Variants in ELMO1 observed in about 807,000 individuals in gnomAD.
ELMO1 encodes engulfment and cell motility protein 1.
ELMO1 carries 26 observed loss-of-function variants against 98.9 expected under a neutral mutation model. The ratio of observed to expected loss-of-function variants is 0.26; its 90% confidence interval spans 0.19 to 0.36. The LOEUF (loss-of-function observed/expected upper bound fraction) is 0.36, where lower values mean the gene tolerates loss of function less well. Ranked by LOEUF, ELMO1 falls within the 10% of genes least tolerant of loss-of-function variation. The pLI, the probability that ELMO1 is intolerant of heterozygous loss-of-function variation, is 1.00. For synonymous variants in ELMO1, 346 were observed against 346.0 expected, an observed-to-expected ratio of 1.00 and a Z score of 0.00; for missense variants, 627 against 935.2, an observed-to-expected ratio of 0.67 and a Z score of 4.30.
rs532970988 is a variant in ELMO1 at position 37,331,694 on chromosome 7, G to T, written c.78+10919C>A. On this transcript the variant is annotated intron_variant, in intron 2 of 21. Coordinates refer to ENST00000310758, the MANE Select transcript of ELMO1 (RefSeq NM_014800.11). ...CCTCCACACTGACCAGAAGGAAGAG[G>T]TCCAGAGAGGGTGGCAGCAGCAGAT... is the stretch of plus-strand genomic sequence containing the variant. 1.5e-4 allele frequency among the ~76,000 whole-genome samples: 23 copies of T among 152,196 alleles called. 1 individual carries two copies. In the South Asian group the frequency reaches 4.4e-3, roughly 29 times the overall value.
intron 1 of ELMO1, among the ~76,000 whole-genome samples, chr7:37,369,930 C>T (rs944833790): frequency 1.3e-5 from 2 of 152,084 alleles, no homozygotes; most frequent in African/African-American, 4.8e-5. Context: ...CCTTACTATT[C>T]GAAGCACCAG....
chr7:36,910,237 C>T (rs572641714), intron 16 of ELMO1, among the ~76,000 whole-genome samples: 25 of 152,340 alleles, frequency 1.6e-4, no homozygotes, highest in African/African-American at 3.1e-4. Context: ...CAAAATCATA[C>T]GCCATATAGT....
intron 14 of ELMO1, among the ~76,000 whole-genome samples, chr7:37,120,785 C>T (rs956784818): frequency 2.2e-4 from 34 of 152,178 alleles, no homozygotes; most frequent in Non-Finnish European, 4.0e-4. Context: ...TAGTGGTTCT[C>T]CCAGCATGCA....
At position 37,359,832 on chromosome 7, in the gene ELMO1, C is replaced by T. The variant is rs114562045; in HGVS notation, c.-73-17069G>A. Among the ~76,000 whole-genome samples the T allele has an allele frequency of 3.2e-3, 491 of 152,316 alleles. 4 individuals are homozygous for T. The highest frequency in any genetic ancestry group is 0.011 in the African/African-American group (468 of 41,568). On this transcript the variant is annotated intron_variant, in intron 1 of 21. Coordinates refer to ENST00000310758, the MANE Select transcript of ELMO1 (RefSeq NM_014800.11). ...TTATGCACTTTTCCATTATTGATCA[C>T]GGTCACACCTTTTCACTTTGTACTT...
At chr7:37,367,822 T>C (rs1801964408) in intron 1 of ELMO1, among the ~76,000 whole-genome samples, 1 of 152,118 alleles carries the variant, frequency 6.6e-6, no homozygotes. Context: ...TTATAGCATA[T>C]AAAGCAATCA....
chr7:36,935,345 G>T (rs935624209), intron 16 of ELMO1, among the ~76,000 whole-genome samples: 4 of 151,986 alleles, frequency 2.6e-5, no homozygotes, highest in Non-Finnish European at 1.5e-5. Flanking sequence ...TTTGTAAATT[G>T]CCCAGTCTTG....
At chr7:37,166,459 T>C (rs1368064746) in intron 13 of ELMO1, among the ~76,000 whole-genome samples, 1 of 152,154 alleles carries the variant, frequency 6.6e-6, no homozygotes, top group Non-Finnish European at 1.5e-5. Context: ...TTTCCTGCTT[T>C]CTCTTGTGGA....
intron 4 of ELMO1, 26 bp from the exon 5 acceptor site, chr7:37,271,908 A>T: frequency 6.2e-7 from 1 of 1,609,944 alleles, no homozygotes; most frequent in Non-Finnish European, 8.5e-7. Flanking sequence ...AAATCTTTGT[A>T]AATTTTCAAG....
intron 2 of ELMO1, among the ~76,000 whole-genome samples, chr7:37,321,852 A>ACC (rs1160876386): frequency 9.5e-6 from 1 of 104,916 alleles, no homozygotes; most frequent in Admixed American, 1.1e-4. Flanking sequence ...CTAAAAAGTA[A>ACC]CTCCCTTTTT....
intron 16 of ELMO1, 88 bp downstream of exon 16, chr7:37,013,211 A>ATT: frequency 6.6e-7 from 1 of 1,505,462 alleles, no homozygotes; most frequent in Non-Finnish European, 9.0e-7. Flanking sequence ...CACCTTGCCA[A>ATT]TTGCCTTCTG....
chr7:37,183,499 A>G (rs1166269707), intron 13 of ELMO1, among the ~76,000 whole-genome samples: 1 of 152,194 alleles, frequency 6.6e-6, no homozygotes, highest in Non-Finnish European at 1.5e-5. Flanking sequence ...TCCAACTTTT[A>G]TCAGGGGAAG....
At chr7:37,004,493 A>G (rs1792907801) in intron 16 of ELMO1, among the ~76,000 whole-genome samples, 1 of 152,230 alleles carries the variant, frequency 6.6e-6, no homozygotes, top group African/African-American at 2.4e-5. Context: ...GCAGAAGAAC[A>G]AATCAATTAT....
intron 6 of ELMO1, among the ~76,000 whole-genome samples, chr7:37,244,649 C>T (rs1794907360): frequency 6.6e-6 from 1 of 152,134 alleles, no homozygotes; most frequent in Admixed American, 6.6e-5. Context: ...TAAAGGCATC[C>T]AAAACCGTCC....
At chr7:37,431,864 T>A (rs558096174) in intron 1 of ELMO1, among the ~76,000 whole-genome samples, 1 of 151,948 alleles carries the variant, frequency 6.6e-6, no homozygotes, top group Non-Finnish European at 1.5e-5. Context: ...GAAGTTTGTT[T>A]TTTGTTTGTT....
intron 2 of ELMO1, among the ~76,000 whole-genome samples, chr7:37,327,523 G>A (rs1799879939): frequency 6.6e-6 from 1 of 152,238 alleles, no homozygotes; most frequent in Admixed American, 6.5e-5. Flanking sequence ...ACCTGAGATT[G>A]AAAGTAAGAC....
intron 15 of ELMO1, among the ~76,000 whole-genome samples, chr7:37,058,086 A>G (rs1419247732): frequency 1.3e-5 from 2 of 152,238 alleles, no homozygotes; most frequent in Non-Finnish European, 2.9e-5. Flanking sequence ...AGGTAAGTGC[A>G]TGCATGTACA....
At chr7:36,859,780 A>G (rs1393329537) in intron 21 of ELMO1, among the ~76,000 whole-genome samples, 1 of 152,208 alleles carries the variant, frequency 6.6e-6, no homozygotes, top group East Asian at 1.9e-4. Flanking sequence ...GGGTCGTTAT[A>G]CTTACAGTTG....
chr7:36,972,392 C>CT (rs1161873136), intron 16 of ELMO1, among the ~76,000 whole-genome samples: 19 of 152,342 alleles, frequency 1.2e-4, no homozygotes, highest in Admixed American at 1.2e-3. Flanking sequence ...TGAGTGCACT[C>CT]TATCAGTTTG....
intron 2 of ELMO1, among the ~76,000 whole-genome samples, chr7:37,327,545 G>C (rs566228179): frequency 3.5e-4 from 54 of 152,308 alleles, no homozygotes; most frequent in Middle Eastern, 3.4e-3. Flanking sequence ...GCAGTCAAAA[G>C]AACACTGAAA....
Sources: allele counts gnomAD v4.1 joint callset (sites outside exome capture counted in the v4.1 genomes callset), GRCh38; gene constraint gnomAD v4.1.1; transcripts MANE v1.5; gene names NCBI Gene and HGNC (gene_info 2026-07-23, HGNC 2026-07-21).